EFCAB3: variants seen among roughly 807,000 people sequenced by gnomAD.
The protein encoded by EFCAB3 is EF-hand calcium-binding domain-containing protein 3.
EFCAB3 carries 36 observed loss-of-function variants against 42.2 expected under a neutral mutation model. The observed-to-expected ratio is 0.85, with a 90% CI of 0.65 to 1.13. The LOEUF (loss-of-function observed/expected upper bound fraction) is 1.13. EFCAB3 is among the 50% of genes most tolerant of loss of function. The probability of loss-of-function intolerance (pLI) is 0.00; values close to 1 mark genes in which losing one functional copy is unlikely to be tolerated. For missense variants in EFCAB3, 418 were observed against 505.1 expected (o/e 0.83, Z 1.65); for synonymous variants, 170 against 172.8 (o/e 0.98, Z 0.13).
chr17:62,384,812 A>G (rs759532109), intron 2 of EFCAB3, among the ~76,000 whole-genome samples: 2 of 152,236 alleles, frequency 1.3e-5, no homozygotes, highest in Non-Finnish European at 2.9e-5. Flanking sequence ...CAAAAGCCAT[A>G]TGCATCTGGT....
At chr17:62,374,656 C>T (rs184972044) in intron 2 of EFCAB3, among the ~76,000 whole-genome samples, 53 of 152,218 alleles carry the variant, frequency 3.5e-4, no homozygotes. Flanking sequence ...AATTGATCAA[C>T]AGAGGCAAGG....
chr17:62,411,856 AGAAGGAAGGAAGGAAG>A lies in EFCAB3; in HGVS notation c.868-1842_868-1827del, dbSNP rs1179394697. On this transcript the variant is annotated intron_variant, in intron 8 of 9. Transcript: ENST00000305286. Reference sequence around the variant, plus strand: ...AGGAGGGAAGAAAGGAAGGAAGGAAAGAAGGAAGGAAGGAAGGAAGGAAGGAAGGAAGGAAGGAAGG... The same window carrying A: ...AGGAGGGAAGAAAGGAAGGAAGGAAAGAAGGAAGGAAGGAAGGAAGGAAGG... Among the ~76,000 whole-genome samples the A allele has an allele frequency of 3.5e-3, 195 of 56,194 alleles. 3 individuals are homozygous for A. Among genetic ancestry groups the A allele is most frequent in the African/African-American group, 7.5e-3 (127 of 17,018 alleles). The allele number at this position is 56,194 out of a possible 152,430, so 36.9% of individuals were successfully genotyped here. A position where few individuals can be genotyped will look rare whatever the true frequency, so the allele number is the denominator to read the frequency against.
chr17:62,395,210 A>G (rs201029865), intron 6 of EFCAB3, 22 bp downstream of exon 6: 2 of 1,609,128 alleles, frequency 1.2e-6, no homozygotes, highest in Non-Finnish European at 1.7e-6. Context: ...GGAAAGGAGC[A>G]AAAACAGCCT....
In EFCAB3 at chr17:62,407,054, T is replaced by C. The variant is rs1192454269; in HGVS notation, c.709T>C (p.Tyr237His). ...KRCNSGSDSPYSKIPIFPLFP... is the reference protein window; with the variant it reads ...KRCNSGSDSPHSKIPIFPLFP... ...ATGCAATTCCGGTTCAGATAGCCCA[T>C]ATTCAAAAATACCCATCTTTCCATT... Residue 237 changes from tyrosine (Y) to histidine (H), a missense_variant, in exon 8 of 10, where the codon TAT (tyrosine) becomes CAT (histidine). Transcript: ENST00000305286. The C allele has an allele frequency of 1.9e-6, 3 of 1,594,072 alleles. No homozygotes were observed. The highest frequency in any genetic ancestry group is 1.9e-5 in the Admixed American group (1 of 53,888).
In EFCAB3 at chr17:62,380,571, T is replaced by C. The variant is rs984620972; in HGVS notation, c.-60T>C. On this transcript the variant is annotated 5_prime_UTR_variant, in exon 1 of 10. Coordinates refer to ENST00000305286, the MANE Select transcript of EFCAB3 (RefSeq NM_173503.4). ...CAAACCCTTTATTGGATTCCTGATC[T>C]GATTGAAGCCCAGAAGTGGTAGGTA... 1.4e-5 allele frequency: 14 copies of C among 985,458 alleles called. No homozygotes were observed. In the East Asian group the frequency reaches 1.5e-3, roughly 104 times the overall value. 61.0% of individuals were successfully genotyped at this position (985,458 alleles called of 1,614,324 possible). A position where few individuals can be genotyped will look rare whatever the true frequency, so the allele number is the denominator to read the frequency against.
chr17:62,398,453 C>CA (rs371155492), intron 6 of EFCAB3, among the ~76,000 whole-genome samples: 6,033 of 61,672 alleles, frequency 0.098, 460 homozygotes, highest in African/African-American at 0.29. Flanking sequence ...GACTTAGTCT[C>CA]AAAAAAAAAA....
chr17:62,414,599 G>A (rs1233689034), intron 9 of EFCAB3, among the ~76,000 whole-genome samples: 1 of 152,070 alleles, frequency 6.6e-6, no homozygotes, highest in Non-Finnish European at 1.5e-5. Context: ...GTGTGTGTGT[G>A]TGTGTGTGTG....
intron 6 of EFCAB3, among the ~76,000 whole-genome samples, chr17:62,400,353 T>C (rs1371623941): frequency 6.6e-6 from 1 of 152,220 alleles, no homozygotes; most frequent in African/African-American, 2.4e-5. Flanking sequence ...ACATTAGGTA[T>C]ATCTCCTAAT....
At chr17:62,408,267 A>G (rs1311345195) in intron 8 of EFCAB3, among the ~76,000 whole-genome samples, 1 of 152,206 alleles carries the variant, frequency 6.6e-6, no homozygotes, top group Non-Finnish European at 1.5e-5. Context: ...ATACTGTAAT[A>G]CAAATACTTT....
chr17:62,399,563 T>TG (rs1820156574), intron 6 of EFCAB3, among the ~76,000 whole-genome samples: 1 of 152,196 alleles, frequency 6.6e-6, no homozygotes, highest in African/African-American at 2.4e-5. Context: ...GCTGTAGCCA[T>TG]GCTGGCCTCC....
upstream of EFCAB3, among the ~76,000 whole-genome samples, chr17:62,380,040 C>T (rs557010780): frequency 1.4e-4 from 22 of 152,292 alleles, no homozygotes; most frequent in African/African-American, 4.6e-4. Context: ...CTCGCTCTGT[C>T]GCCCAGGCTA....
At chr17:62,413,597 C>A in intron 8 of EFCAB3, 135 bp from the exon 9 acceptor site, 1 of 892,436 alleles carries the variant, frequency 1.1e-6, no homozygotes. Flanking sequence ...AACAAACAAA[C>A]AAATGGTTTG....
intron 8 of EFCAB3, among the ~76,000 whole-genome samples, chr17:62,410,770 A>G (rs1324034876): frequency 1.3e-5 from 2 of 152,102 alleles, no homozygotes; most frequent in African/African-American, 4.8e-5. Context: ...CTCGGCCCTG[A>G]TGAGTTGGGA....
At chr17:62,383,747 T>C (rs1408309224) in intron 2 of EFCAB3, among the ~76,000 whole-genome samples, 2 of 152,164 alleles carry the variant, frequency 1.3e-5, no homozygotes, top group Admixed American at 1.3e-4. Context: ...TTGAGATATT[T>C]TGAGTGCCAG....
chr17:62,415,684 T>A (rs956177246), intron 9 of EFCAB3, among the ~76,000 whole-genome samples: 3 of 152,272 alleles, frequency 2.0e-5, no homozygotes, highest in Non-Finnish European at 2.9e-5. Context: ...GTTCTCCCTA[T>A]CCTAGGCTGA....
chr17:62,393,583 G>A lies in EFCAB3; in HGVS notation c.306G>A (p.Lys102=). Residue 102 remains lysine (K), a synonymous_variant, in exon 5 of 10, where the codon AAG becomes AAA. Transcript: ENST00000305286. The stretch of plus-strand genomic sequence containing the variant: ...AGATTTTTGTTGCAGGAGATGGGAA[G>A]GTGAACTTCTCAGACTTTATCAAGG... The part of the protein sequence containing the change: ...LKCADIDRDG[K]VNFSDFIKVL... 2 of 1,613,952 alleles carry A rather than the reference G, an allele frequency of 1.2e-6. No individual in the cohort carries two copies. The highest frequency in any genetic ancestry group is 1.7e-6 in the Non-Finnish European group (2 of 1,179,886).
chr17:62,381,962 G>T, intron 1 of EFCAB3: 1 of 294,344 alleles, frequency 3.4e-6, no homozygotes. Flanking sequence ...TGAGGAGGAG[G>T]AGGAGGTGTC....
chr17:62,381,937 C>A, intron 1 of EFCAB3: 1 of 312,266 alleles, frequency 3.2e-6, no homozygotes, highest in Non-Finnish European at 6.7e-6. Context: ...ACCCCCGCTG[C>A]AGCAGAGGAG....
rs750246628 is a variant in EFCAB3, at chr17:62,391,903, A to T, written c.233A>T (p.Lys78Met). The T allele has an allele frequency of 1.2e-6, 2 of 1,613,664 alleles. No individual in the cohort carries two copies. The highest frequency in any genetic ancestry group is 2.7e-5 in the African/African-American group (2 of 74,912). Residue 78 changes from lysine to methionine, a missense_variant, in exon 4 of 10, where the codon AAG becomes ATG. Coordinates refer to ENST00000305286, the MANE Select transcript of EFCAB3 (RefSeq NM_173503.4). Reference protein sequence around the residue: ...DFHGLMCTVAKLGMNLTKHDV... With the variant: ...DFHGLMCTVAMLGMNLTKHDV... ...CATGGACTGATGTGCACTGTAGCTA[A>T]GCTGGGAATGAATCTGACCAAGCAT...
Sources: gnomAD v4.1 joint callset for allele counts (sites outside exome capture counted in the v4.1 genomes callset) on GRCh38, gnomAD v4.1.1 for gene constraint, MANE v1.5 for transcripts, NCBI Gene and HGNC (gene_info 2026-07-23, HGNC 2026-07-21) for gene names.